The following CR1 variants were observed in gnomAD, a reference collection of about 807,000 sequenced individuals.
The protein encoded by CR1 is complement receptor type 1.
In CR1, 116 loss-of-function variants were observed where a neutral mutation model predicts 187.3. That is an observed-to-expected ratio of 0.62 (90% CI 0.53 to 0.72). CR1 has a LOEUF of 0.72. CR1 is among the 30% of genes least tolerant of loss of function. The probability of loss-of-function intolerance (pLI) is 0.00; values close to 1 mark genes in which losing one functional copy is unlikely to be tolerated. For synonymous variants in CR1, 576 were observed against 747.1 expected (o/e 0.77, Z 3.73); for missense variants, 1,731 against 2,110.7 (o/e 0.82, Z 3.52).
At chr1:207,600,748 C>T (rs1661579929) in intron 35 of CR1, 1 of 151,980 alleles carries the variant, frequency 6.6e-6, no homozygotes, top group Non-Finnish European at 1.5e-5. Context: ...CATGCATATC[C>T]CTCATTGTAT....
intron 24 of CR1, among the ~76,000 whole-genome samples, chr1:207,567,174 C>A (rs1660526904): frequency 6.7e-6 from 1 of 150,240 alleles, no homozygotes; most frequent in Non-Finnish European, 1.5e-5. Context: ...GGAGTAACAA[C>A]TTGAAACCTG....
At chr1:207,598,313 A>G (rs373562707) in intron 35 of CR1, among the ~76,000 whole-genome samples, 1 of 152,218 alleles carries the variant, frequency 6.6e-6, no homozygotes, top group East Asian at 1.9e-4. Flanking sequence ...GGAAAGAAAA[A>G]AACAGATAAC....
At chr1:207,510,296 G>A (rs1348823362) in intron 3 of CR1, among the ~76,000 whole-genome samples, 2 of 152,138 alleles carry the variant, frequency 1.3e-5, no homozygotes, top group Non-Finnish European at 2.9e-5. Context: ...CTAGTATAAT[G>A]TAATAGTGCA....
At chr1:207,606,588 A>G (rs1429303893) in intron 35 of CR1, 1 of 152,256 alleles carries the variant, frequency 6.6e-6, no homozygotes. Context: ...AGAACACATG[A>G]ATAGCTTTGC....
intron 45 of CR1, among the ~76,000 whole-genome samples, chr1:207,626,265 G>A (rs1662475521): frequency 6.6e-6 from 1 of 152,174 alleles, no homozygotes; most frequent in African/African-American, 2.4e-5. Context: ...TTTCATGTTA[G>A]AAATAACACA....
intron 3 of CR1, among the ~76,000 whole-genome samples, chr1:207,509,282 C>A (rs1391396675): frequency 2.0e-5 from 3 of 152,164 alleles, no homozygotes; most frequent in Non-Finnish European, 2.9e-5. Flanking sequence ...ATGATCATGG[C>A]TTTTCCTGAA....
chr1:207,521,460 A>G (rs1328211702), intron 4 of CR1, among the ~76,000 whole-genome samples: 1 of 151,732 alleles, frequency 6.6e-6, no homozygotes, highest in East Asian at 1.9e-4. Context: ...ATCTTTTTAT[A>G]TATTGGTGCT....
chr1:207,525,157 C>A (rs1287058099), intron 5 of CR1, among the ~76,000 whole-genome samples: 6 of 151,972 alleles, frequency 3.9e-5, no homozygotes, highest in Non-Finnish European at 8.8e-5. Context: ...TGGTGCTCAA[C>A]CATAAGAAAC....
At chr1:207,616,058 C>G (rs1278372225) in intron 40 of CR1, among the ~76,000 whole-genome samples, 1 of 152,134 alleles carries the variant, frequency 6.6e-6, no homozygotes, top group African/African-American at 2.4e-5. Flanking sequence ...GTAAAAACAG[C>G]CTTACTGGTG....
chr1:207,616,491 T>G lies in CR1; in HGVS notation c.6662-84T>G. 3 of 1,445,084 alleles carry G rather than the reference T, an allele frequency of 2.1e-6. No homozygotes were observed. The African/African-American group carries it at 4.3e-5, about 21-fold the overall frequency. The allele number at this position is 1,445,084 out of a possible 1,614,324, so 89.5% of individuals were successfully genotyped here. Reference sequence around the variant, plus strand: ...TTCTTTCTAAAAGTTATATTCTTTTTAAGCGCACAGTCACAGGTCACTATT... The same window carrying G: ...TTCTTTCTAAAAGTTATATTCTTTTGAAGCGCACAGTCACAGGTCACTATT... On this transcript the variant is annotated intron_variant, in intron 40 of 46. Coordinates refer to ENST00000367049, the MANE Select transcript of CR1 (RefSeq NM_000651.6).
At chr1:207,611,604 C>T in intron 37 of CR1, 73 bp from the exon 38 acceptor site, 1 of 1,569,454 alleles carries the variant, frequency 6.4e-7, no homozygotes, top group Non-Finnish European at 8.6e-7. Context: ...TTTAAGCCCT[C>T]TGGTAAGCAT....
At chr1:207,617,785 A>G (rs1662193359) in intron 41 of CR1, among the ~76,000 whole-genome samples, 1 of 151,286 alleles carries the variant, frequency 6.6e-6, no homozygotes, top group East Asian at 1.9e-4. Context: ...ATCTTCCAGT[A>G]AGGACAGAAC....
intron 28 of CR1, 72 bp from the exon 29 acceptor site, chr1:207,577,733 C>T (rs1215871786): frequency 5.0e-6 from 8 of 1,587,998 alleles, no homozygotes; most frequent in Non-Finnish European, 6.9e-6. Flanking sequence ...TGTGCCACTG[C>T]ACTCCAGCCT....
At chr1:207,581,223 C>T (rs572362567) in intron 31 of CR1, among the ~76,000 whole-genome samples, 27 of 144,066 alleles carry the variant, frequency 1.9e-4, no homozygotes, top group East Asian at 6.2e-4. Context: ...CATATGGACA[C>T]GTATATGTAG....
In CR1 at chr1:207,610,976, G is replaced by A. The variant is rs562756063; in HGVS notation, c.6296-701G>A. Among the ~76,000 whole-genome samples the A allele has an allele frequency of 8.6e-5, 13 of 151,606 alleles. No homozygotes were observed. The East Asian group carries it at 2.5e-3, about 29-fold the overall frequency. ...CTTTCATTTTTAAATGTACAATTAA[G>A]TTATTACTAACTATAGTCACCCTGT... On this transcript the variant is annotated intron_variant, in intron 37 of 46. Transcript: ENST00000367049.
chr1:207,584,944 T>A (rs969765968), intron 33 of CR1, 68 bp downstream of exon 33: 1 of 1,587,724 alleles, frequency 6.3e-7, no homozygotes, highest in South Asian at 1.1e-5. Flanking sequence ...CATGTTTCTG[T>A]AATAAGACTA....
intron 24 of CR1, among the ~76,000 whole-genome samples, chr1:207,566,832 C>T (rs1290845805): frequency 6.7e-6 from 1 of 150,184 alleles, no homozygotes; most frequent in Non-Finnish European, 1.5e-5. Flanking sequence ...AAACGTGTTT[C>T]TTTAGAAAAT....
At chr1:207,610,486 CCA>C (rs987215586) in intron 37 of CR1, among the ~76,000 whole-genome samples, 1 of 152,062 alleles carries the variant, frequency 6.6e-6, no homozygotes, top group African/African-American at 2.4e-5. Flanking sequence ...GTGCTCACTA[CCA>C]CACCTGGCTA....
chr1:207,511,762 G>A (rs909968383), intron 4 of CR1, 108 bp downstream of exon 4: 105 of 1,044,644 alleles, frequency 1.0e-4, no homozygotes, highest in Admixed American at 1.7e-4. Context: ...TCCTTCACAC[G>A]GCTGAAGACT....
Sources: gnomAD v4.1 joint callset for allele counts (sites outside exome capture counted in the v4.1 genomes callset) on GRCh38, gnomAD v4.1.1 for gene constraint, MANE v1.5 for transcripts, NCBI Gene and HGNC (gene_info 2026-07-23, HGNC 2026-07-21) for gene names.